Variants in ELMO1 observed in about 807,000 individuals in gnomAD.
ELMO1 encodes engulfment and cell motility 1.
Under a neutral mutation model 98.9 loss-of-function variants are expected in ELMO1, and 26 were observed. The observed-to-expected ratio is 0.26, with a 90% confidence interval of 0.19 to 0.36. The LOEUF (loss-of-function observed/expected upper bound fraction) is 0.36. Among genes scored for constraint, ELMO1 ranks in the 10% least tolerant of loss-of-function variants. ELMO1 has a pLI of 1.00. For synonymous variants in ELMO1, 346 were observed against 346.0 expected, an observed-to-expected ratio of 1.00 and a Z score of 0.00; for missense variants, 627 against 935.2, an observed-to-expected ratio of 0.67 and a Z score of 4.30.
intron 1 of ELMO1, among the ~76,000 whole-genome samples, chr7:37,350,045 C>T (rs1030742835): frequency 4.0e-5 from 6 of 151,726 alleles, no homozygotes; most frequent in African/African-American, 1.5e-4. Context: ...CCCCACCTGC[C>T]CTACACTGGA....
intron 13 of ELMO1, among the ~76,000 whole-genome samples, chr7:37,156,785 G>GA (rs1437389761): frequency 7.2e-5 from 11 of 152,120 alleles, no homozygotes; most frequent in African/African-American, 2.4e-4. Flanking sequence ...CCAATCAATA[G>GA]AAAAACAGGG....
At chr7:37,063,431 C>G (rs551011420) in intron 15 of ELMO1, among the ~76,000 whole-genome samples, 8 of 152,264 alleles carry the variant, frequency 5.3e-5, no homozygotes, top group African/African-American at 1.9e-4. Flanking sequence ...AAAGGTCCTA[C>G]AGTCAGTACT....
At position 37,211,641 on chromosome 7, in the gene ELMO1, C is replaced by G; in HGVS notation, c.955-124G>C. ...TCACTGCATTCAGGCAAAAGAAAAA[C>G]AGATAAAAGAGAACCAATGTTCTAA... On this transcript the variant is annotated intron_variant, in intron 12 of 21. Coordinates refer to ENST00000310758, the MANE Select transcript of ELMO1 (RefSeq NM_014800.11). The G allele has an allele frequency of 2.3e-6, 3 of 1,291,148 alleles. No individual in the cohort carries two copies. The South Asian group carries it at 4.6e-5, about 20-fold the overall frequency. The allele number at this position is 1,291,148 out of a possible 1,614,324, so 80.0% of individuals were successfully genotyped here. A position where few individuals can be genotyped will look rare whatever the true frequency, so the allele number is the denominator to read the frequency against.
At chr7:36,999,971 CTTT>C (rs1322786359) in intron 16 of ELMO1, among the ~76,000 whole-genome samples, 1 of 151,966 alleles carries the variant, frequency 6.6e-6, no homozygotes, top group Non-Finnish European at 1.5e-5. Context: ...TACTCACAGC[CTTT>C]TTTTTCTGGT....
At chr7:37,172,791 T>TA (rs201516430) in intron 13 of ELMO1, among the ~76,000 whole-genome samples, 4 of 151,662 alleles carry the variant, frequency 2.6e-5, no homozygotes, top group East Asian at 1.9e-4. Context: ...ACATTGAAGC[T>TA]AAAAAAAAAT....
chr7:37,316,029 A>G (rs1464822771), intron 2 of ELMO1, 69 bp from the exon 3 acceptor site: 7 of 1,236,322 alleles, frequency 5.7e-6, no homozygotes. Flanking sequence ...AAAAAGAAGA[A>G]GCTTCATAAA....
intron 13 of ELMO1, among the ~76,000 whole-genome samples, chr7:37,167,926 T>C (rs377609837): frequency 2.6e-5 from 4 of 152,078 alleles, no homozygotes; most frequent in South Asian, 4.2e-4. Flanking sequence ...TAATATCCTG[T>C]AGAGTGTTTT....
Position 37,347,418 on chromosome 7 carries a change from G to A in ELMO1, c.-73-4655C>T, listed in dbSNP as rs190450644. On this transcript the variant is annotated intron_variant, in intron 1 of 21. Transcript: ENST00000310758. ...TCAACAGTCCCTTCCCCTCAGTCTC[G>A]ACAAATTTTCACATGTTGTAGAAGG... Among the ~76,000 whole-genome samples, 23 of 139,558 alleles carry A rather than the reference G, an allele frequency of 1.6e-4. No homozygotes were observed. The East Asian group carries it at 3.1e-3, about 19-fold the overall frequency. 91.6% of individuals were successfully genotyped at this position (139,558 alleles called of 152,430 possible).
At chr7:37,091,193 T>C (rs1784067730) in intron 15 of ELMO1, among the ~76,000 whole-genome samples, 1 of 152,160 alleles carries the variant, frequency 6.6e-6, no homozygotes, top group Non-Finnish European at 1.5e-5. Context: ...CTGCAACCTC[T>C]GCCTCCTGGG....
Position 37,020,389 on chromosome 7 carries a change from T to C in ELMO1, c.1301-6954A>G, listed in dbSNP as rs1794198072. Among the ~76,000 whole-genome samples the C allele has an allele frequency of 2.0e-5, 3 of 152,188 alleles. No homozygotes were observed. In the South Asian group the frequency reaches 6.2e-4, roughly 31 times the overall value. ...CATTTAATTTAGAGTGTGAAGACAT[T>C]AGAGTGGTATTTGATAGGTTTAGCA... On this transcript the variant is annotated intron_variant, in intron 15 of 21. Transcript: ENST00000310758.
chr7:37,125,447 TCAAA>T (rs1342465568), intron 14 of ELMO1, among the ~76,000 whole-genome samples: 4 of 151,882 alleles, frequency 2.6e-5, no homozygotes, highest in African/African-American at 9.7e-5. Context: ...CAAGAAAAAA[TCAAA>T]CAACCCCATA....
At chr7:37,281,389 G>A (rs994037361) in intron 4 of ELMO1, among the ~76,000 whole-genome samples, 1 of 152,106 alleles carries the variant, frequency 6.6e-6, no homozygotes, top group African/African-American at 2.4e-5. Context: ...GGGAAATAAA[G>A]TGTGTGAGGA....
intron 16 of ELMO1, among the ~76,000 whole-genome samples, chr7:36,917,781 G>T (rs541807496): frequency 6.6e-6 from 1 of 152,324 alleles, no homozygotes; most frequent in South Asian, 2.1e-4. Context: ...GTCCCCAAGG[G>T]TCACAAATAA....
At chr7:37,164,283 G>A (rs368766726) in intron 13 of ELMO1, among the ~76,000 whole-genome samples, 1 of 152,040 alleles carries the variant, frequency 6.6e-6, no homozygotes, top group African/African-American at 2.4e-5. Context: ...CCCATTTTGT[G>A]GGTTGCCTGT....
chr7:37,053,285 AACACACACACACACACACACAC>A (rs59573752), intron 15 of ELMO1, among the ~76,000 whole-genome samples: 118 of 138,870 alleles, frequency 8.5e-4, no homozygotes, highest in Middle Eastern at 3.7e-3. Context: ...CATTTGTTAA[AACACACACACACACACACACAC>A]ACACACACAC....
At chr7:36,944,303 C>T (rs990868040) in intron 16 of ELMO1, among the ~76,000 whole-genome samples, 7 of 152,068 alleles carry the variant, frequency 4.6e-5, no homozygotes, top group African/African-American at 1.2e-4. Context: ...TTCTTGGGCA[C>T]GACAATCCTG....
At chr7:37,131,338 C>T (rs1219537471) in intron 14 of ELMO1, among the ~76,000 whole-genome samples, 1 of 152,116 alleles carries the variant, frequency 6.6e-6, no homozygotes, top group Non-Finnish European at 1.5e-5. Flanking sequence ...TAGGTTTTTT[C>T]TTTTAAGTCC....
chr7:37,047,148 T>A (rs1056651289), intron 15 of ELMO1, among the ~76,000 whole-genome samples: 1 of 152,248 alleles, frequency 6.6e-6, no homozygotes, highest in African/African-American at 2.4e-5. Context: ...CATAGAGCTA[T>A]GGCTGGCTCA....
chr7:36,916,966 G>A (rs1784735443), intron 16 of ELMO1, among the ~76,000 whole-genome samples: 1 of 152,202 alleles, frequency 6.6e-6, no homozygotes, highest in African/African-American at 2.4e-5. Flanking sequence ...AACCAGCCTG[G>A]CTGTAATGTG....
Sources: allele counts gnomAD v4.1 joint callset (sites outside exome capture counted in the v4.1 genomes callset), GRCh38; gene constraint gnomAD v4.1.1; transcripts MANE v1.5; gene names NCBI Gene and HGNC (gene_info 2026-07-23, HGNC 2026-07-21).